Variants in TMCO4 observed in about 807,000 individuals in gnomAD.
TMCO4 encodes transmembrane and coiled-coil domains 4.
A neutral mutation model predicts 64.7 loss-of-function variants in TMCO4; 58 were observed. The ratio of observed to expected loss-of-function variants is 0.90; its 90% CI spans 0.73 to 1.12. The LOEUF is 1.12. TMCO4 is among the 50% of genes most tolerant of loss of function. TMCO4 has a pLI of 0.00. For missense variants in TMCO4, 780 were observed against 825.9 expected (o/e 0.94, Z 0.68); for synonymous variants, 325 against 346.1 (o/e 0.94, Z 0.68).
At chr1:19,779,571 T>C (rs1279577969) in intron 4 of TMCO4, among the ~76,000 whole-genome samples, 1 of 152,194 alleles carries the variant, frequency 6.6e-6, no homozygotes, top group Non-Finnish European at 1.5e-5. Flanking sequence ...AATATAACGA[T>C]GTCATTCTTT....
At chr1:19,762,271 C>T (rs984030326) in intron 6 of TMCO4, among the ~76,000 whole-genome samples, 1 of 152,148 alleles carries the variant, frequency 6.6e-6, no homozygotes, top group African/African-American at 2.4e-5. Context: ...TCAGGGGCAG[C>T]CCTAGATCAT....
In TMCO4 at chr1:19,683,387, T is replaced by A; in HGVS notation, c.1558A>T (p.Ile520Phe). The A allele has an allele frequency of 6.2e-7, 1 of 1,613,758 alleles. No homozygotes were observed. Among genetic ancestry groups the A allele is most frequent in the Non-Finnish European group, 8.5e-7 (1 of 1,180,022 alleles). The change falls in exon 16 of 16, where the codon ATC becomes TTC. Residue 520 changes from isoleucine to phenylalanine, a missense_variant. By Grantham distance (21) the Ile-to-Phe change is conservative. Transcript: ENST00000294543. Reference protein sequence around the residue: ...QMDAILKAVGIRTKPGWDEKG... With the variant: ...QMDAILKAVGFRTKPGWDEKG... ...TCGTCCCAGCCTGGCTTGGTGCGGA[T>A]GCCCACGGCCTTCAGGATGGCATCC...
chr1:19,752,856 G>A lies in TMCO4; in HGVS notation c.515+2778C>T, dbSNP rs149915219. Among the ~76,000 whole-genome samples, 62 of 151,228 alleles carry A rather than the reference G, an allele frequency of 4.1e-4. 1 individual carries two copies. The East Asian group carries it at 0.011, about 27-fold the overall frequency. On this transcript the variant is annotated intron_variant, in intron 7 of 15. Transcript: ENST00000294543. ...CTTAGGGGGCTGTTATGAGGATCGA[G>A]TGAGATGGCATCTTGTGCCTGCATC...
At position 19,682,810 on chromosome 1, in the gene TMCO4, G is replaced by A; in HGVS notation, c.*230C>T. 1.4e-6 allele frequency: 1 copy of A among 724,452 alleles called. No individual in the cohort carries two copies. The highest frequency in any genetic ancestry group is 2.5e-6 in the Non-Finnish European group (1 of 396,042). The allele number at this position is 724,452 out of a possible 1,614,324, so 44.9% of individuals were successfully genotyped here. A position where few individuals can be genotyped will look rare whatever the true frequency, so the allele number is the denominator to read the frequency against. On this transcript the variant is annotated 3_prime_UTR_variant, in exon 16 of 16. Coordinates refer to ENST00000294543, the MANE Select transcript of TMCO4 (RefSeq NM_181719.7). ...GCAGGTCTCTGATGAGGGGGCAGCTGCTCCCTGGTGGGGCTCCTCTGGGGA... is the reference window on the plus strand; with the variant it reads ...GCAGGTCTCTGATGAGGGGGCAGCTACTCCCTGGTGGGGCTCCTCTGGGGA...
At chr1:19,705,842 C>G (rs1378757572) in intron 13 of TMCO4, among the ~76,000 whole-genome samples, 1 of 151,896 alleles carries the variant, frequency 6.6e-6, no homozygotes, top group Non-Finnish European at 1.5e-5. Context: ...CCTTATAATA[C>G]TAGAATAATT....
chr1:19,730,387 G>A (rs2095425436), intron 13 of TMCO4, among the ~76,000 whole-genome samples: 1 of 152,234 alleles, frequency 6.6e-6, no homozygotes, highest in Admixed American at 6.5e-5. Context: ...CAATATTGGG[G>A]ATGTTTGTCA....
Position 19,732,688 on chromosome 1 carries a change from C to G in TMCO4, c.1264+4684G>C, listed in dbSNP as rs546533080. Among the ~76,000 whole-genome samples, 1 of 150,590 alleles carries G rather than the reference C, an allele frequency of 6.6e-6. No individual in the cohort carries two copies. The highest frequency in any genetic ancestry group is 1.5e-5 in the Non-Finnish European group (1 of 67,530). ...GGAGGATTGCTTGAGACCAGGAGTT[C>G]GAGACCAGCCTCGGCAACACAGGGA... On this transcript the variant is annotated intron_variant, in intron 13 of 15. Coordinates refer to ENST00000294543, the MANE Select transcript of TMCO4 (RefSeq NM_181719.7). This position sits in a 1 kb window ranked among gnomAD's most constrained non-coding sequence, Gnocchi z 4.8.
chr1:19,760,175 CTTTTTT>C (rs2042436621), intron 6 of TMCO4, among the ~76,000 whole-genome samples: 1 of 148,324 alleles, frequency 6.7e-6, no homozygotes, highest in African/African-American at 2.5e-5. Context: ...TTTTTTTTTT[CTTTTTT>C]AAGAGATGGG....
chr1:19,788,394 A>G (rs1213868621), intron 2 of TMCO4, among the ~76,000 whole-genome samples: 1 of 151,934 alleles, frequency 6.6e-6, no homozygotes, highest in African/African-American at 2.4e-5. Flanking sequence ...TATTTTGTGT[A>G]GGTCTCTATC....
chr1:19,707,577 C>T (rs948122596), intron 13 of TMCO4, among the ~76,000 whole-genome samples: 3 of 152,174 alleles, frequency 2.0e-5, no homozygotes, highest in Non-Finnish European at 4.4e-5. Context: ...GAGCAGAGAT[C>T]GCACCACTGT....
At chr1:19,747,084 T>C in intron 8 of TMCO4, 79 bp downstream of exon 8, 1 of 1,468,312 alleles carries the variant, frequency 6.8e-7, no homozygotes, top group Non-Finnish European at 9.5e-7. Flanking sequence ...CCCTGCACTC[T>C]CCACTCTCAC....
chr1:19,780,879 T>G, intron 3 of TMCO4, 113 bp from the exon 4 acceptor site: 1 of 888,000 alleles, frequency 1.1e-6, no homozygotes, highest in African/African-American at 1.7e-5. Flanking sequence ...ATCATTAAAA[T>G]GAAGAACTTC....
chr1:19,730,824 A>G (rs72965396), intron 13 of TMCO4, among the ~76,000 whole-genome samples: 1,687 of 152,178 alleles, frequency 0.011, 31 homozygotes, highest in African/African-American at 0.038. Flanking sequence ...GCTCTGGGTG[A>G]CTCTAGGATT....
At position 19,734,010 on chromosome 1, in the gene TMCO4, A is replaced by G. The variant is rs937820113; in HGVS notation, c.1264+3362T>C. On this transcript the variant is annotated intron_variant, in intron 13 of 15. Transcript: ENST00000294543. This position sits in a 1 kb window ranked among gnomAD's most constrained non-coding sequence, Gnocchi z 4.4. The stretch of plus-strand genomic sequence containing the variant: ...ATGAGCTTAGAATTGTGTCTGGTGC[A>G]TGAAAACGCAGTGTATTCCATAAGT... Among the ~76,000 whole-genome samples, 3 of 152,260 alleles carry G rather than the reference A, an allele frequency of 2.0e-5. No individual in the cohort carries two copies. Among genetic ancestry groups the G allele is most frequent in the African/African-American group, 7.2e-5 (3 of 41,464 alleles).
Position 19,734,712 on chromosome 1 carries a change from T to C in TMCO4, c.1264+2660A>G, listed in dbSNP as rs915227205. 6.6e-6 allele frequency among the ~76,000 whole-genome samples: 1 copy of C among 152,102 alleles called. No individual in the cohort carries two copies. Among genetic ancestry groups the C allele is most frequent in the African/African-American group, 2.4e-5 (1 of 41,424 alleles). On this transcript the variant is annotated intron_variant, in intron 13 of 15. Coordinates refer to ENST00000294543, the MANE Select transcript of TMCO4 (RefSeq NM_181719.7). The surrounding 1 kb of genome is among the most constrained non-coding windows in gnomAD (Gnocchi z 4.4). The stretch of plus-strand genomic sequence containing the variant: ...GCCGACCCTCTGGAATGCCCTGCCC[T>C]AGTCCAGCTGCCGTCTGCCAAATAC...
At position 19,682,365 on chromosome 1, in the gene TMCO4, G is replaced by T; in HGVS notation, c.*675C>A. 2.1e-6 allele frequency: 1 copy of T among 469,160 alleles called. No individual in the cohort carries two copies. Among genetic ancestry groups the T allele is most frequent in the Non-Finnish European group, 3.8e-6 (1 of 260,042 alleles). 29.1% of individuals were successfully genotyped at this position (469,160 alleles called of 1,614,324 possible). ...AGCCATACTGAATGCAATTCAGCATGTATTCACCATGCTCTGTTAGTGGTG... is the reference window on the plus strand; with the variant it reads ...AGCCATACTGAATGCAATTCAGCATTTATTCACCATGCTCTGTTAGTGGTG... On this transcript the variant is annotated 3_prime_UTR_variant, in exon 16 of 16. Coordinates refer to ENST00000294543, the MANE Select transcript of TMCO4 (RefSeq NM_181719.7).
intron 13 of TMCO4, among the ~76,000 whole-genome samples, chr1:19,731,617 C>T (rs2095430242): frequency 6.6e-6 from 1 of 152,250 alleles, no homozygotes; most frequent in Non-Finnish European, 1.5e-5. Flanking sequence ...AGGCCTGTAC[C>T]TTGCCGCGTC....
At chr1:19,741,742 CT>C (rs11404111) in intron 10 of TMCO4, among the ~76,000 whole-genome samples, 167 of 142,098 alleles carry the variant, frequency 1.2e-3, no homozygotes, top group Admixed American at 9.9e-4. Flanking sequence ...TTCTTTCTTT[CT>C]TTTTTTTTTT....
At chr1:19,715,133 G>A (rs1193229460) in intron 13 of TMCO4, among the ~76,000 whole-genome samples, 2 of 152,096 alleles carry the variant, frequency 1.3e-5, no homozygotes, top group East Asian at 3.9e-4. Context: ...ACTTGGGGGT[G>A]CTGAGGTGGG....
Sources: allele counts gnomAD v4.1 joint callset (sites outside exome capture counted in the v4.1 genomes callset), GRCh38; gene constraint gnomAD v4.1.1; non-coding constraint Gnocchi (gnomAD v3.1); transcripts MANE v1.5; gene names NCBI Gene and HGNC (gene_info 2026-07-23, HGNC 2026-07-21).